The following GHR variants were observed in gnomAD, a reference collection of about 807,000 sequenced individuals.
GHR encodes the protein growth hormone receptor.
A neutral mutation model predicts 67.1 loss-of-function variants in GHR; 35 were observed. The observed-to-expected ratio is 0.52, with a 90% CI of 0.40 to 0.69. The LOEUF (loss-of-function observed/expected upper bound fraction) is 0.69, where lower values mean the gene tolerates loss of function less well. GHR is among the 30% of genes least tolerant of loss of function. The probability of loss-of-function intolerance (pLI) is 0.00; values close to 1 mark genes in which losing one functional copy is unlikely to be tolerated. For synonymous variants in GHR, 272 were observed against 269.1 expected, an observed-to-expected ratio of 1.01 and a Z score of -0.10; for missense variants, 792 against 764.6, an observed-to-expected ratio of 1.04 and a Z score of -0.42.
At chr5:42,666,902 C>T (rs891534774) in intron 3 of GHR, among the ~76,000 whole-genome samples, 1 of 152,150 alleles carries the variant, frequency 6.6e-6, no homozygotes, top group African/African-American at 2.4e-5. Flanking sequence ...AAACTTGCCA[C>T]AGGAGAATGG....
At chr5:42,585,751 G>A (rs66531739) in intron 2 of GHR, among the ~76,000 whole-genome samples, 25,005 of 151,794 alleles carry the variant, frequency 0.16, 2,348 homozygotes, top group Non-Finnish European at 0.19. Flanking sequence ...ATGTACAAAG[G>A]TAATGCTTAT....
rs188730797 is a variant in GHR, at chr5:42,686,999, A to T, written c.137-1891A>T. The stretch of plus-strand genomic sequence containing the variant: ...GCAAAGTCTCAGGATACGAAATCAA[A>T]GTGCAAAAATCACAAGCATTCCTAT... On this transcript the variant is annotated intron_variant, in intron 3 of 9. Transcript: ENST00000230882. Among the ~76,000 whole-genome samples, 317 of 152,290 alleles carry T rather than the reference A, an allele frequency of 2.1e-3. 1 individual carries two copies. The highest frequency in any genetic ancestry group is 7.4e-3 in the African/African-American group (306 of 41,576).
intron 1 of GHR, among the ~76,000 whole-genome samples, chr5:42,496,281 G>A (rs1746317515): frequency 6.6e-6 from 1 of 152,126 alleles, no homozygotes; most frequent in South Asian, 2.1e-4. Context: ...TGCAAATTAA[G>A]GTCAAAAGTA....
chr5:42,697,789 G>T (rs1757750145), intron 5 of GHR, among the ~76,000 whole-genome samples: 1 of 152,170 alleles, frequency 6.6e-6, no homozygotes, highest in African/African-American at 2.4e-5. Flanking sequence ...TAAGTGTTAG[G>T]ATAATCACTG....
chr5:42,440,502 C>A (rs568588358), intron 1 of GHR, among the ~76,000 whole-genome samples: 7 of 152,234 alleles, frequency 4.6e-5, no homozygotes, highest in African/African-American at 1.7e-4. Context: ...CAAGAAGAAG[C>A]CAGAAAAGTA....
intron 1 of GHR, among the ~76,000 whole-genome samples, chr5:42,470,064 G>T (rs1411589659): frequency 4.1e-5 from 6 of 144,932 alleles, no homozygotes; most frequent in Non-Finnish European, 9.0e-5. Context: ...AATAATGTGT[G>T]TATAAATAAT....
chr5:42,664,591 A>G (rs1755850383), intron 3 of GHR, among the ~76,000 whole-genome samples: 1 of 152,326 alleles, frequency 6.6e-6, no homozygotes, highest in Non-Finnish European at 1.5e-5. Flanking sequence ...ACAAAAATTA[A>G]TTCAAGATGG....
chr5:42,708,401 T>C (rs1758286340), intron 6 of GHR, among the ~76,000 whole-genome samples: 2 of 152,162 alleles, frequency 1.3e-5, no homozygotes, highest in Non-Finnish European at 2.9e-5. Context: ...ACAGTATCAC[T>C]CTTCTCACTC....
At chr5:42,625,194 GAGAGATGGGAATGAGTC>G (rs1156963443) in intron 2 of GHR, among the ~76,000 whole-genome samples, 2 of 152,144 alleles carry the variant, frequency 1.3e-5, no homozygotes, top group African/African-American at 4.8e-5. Flanking sequence ...CTGACATTCA[GAGAGATGGGAATGAGTC>G]AGCTCACTGT....
intron 1 of GHR, among the ~76,000 whole-genome samples, chr5:42,545,785 T>C (rs1286426356): frequency 2.6e-5 from 4 of 152,186 alleles, no homozygotes; most frequent in African/African-American, 4.8e-5. Flanking sequence ...GTCCTTCACT[T>C]TCCTACTCTT....
chr5:42,719,526 G>A lies in GHR; in HGVS notation c.*102G>A. 1.8e-6 allele frequency: 2 copies of A among 1,090,592 alleles called. No homozygotes were observed. Among genetic ancestry groups the A allele is most frequent in the Non-Finnish European group, 2.8e-6 (2 of 715,902 alleles). 67.6% of individuals were successfully genotyped at this position (1,090,592 alleles called of 1,614,324 possible). A position where few individuals can be genotyped will look rare whatever the true frequency, so the allele number is the denominator to read the frequency against. On this transcript the variant is annotated 3_prime_UTR_variant, in exon 10 of 10. Transcript: ENST00000230882. ...ATGTTTAAACCTTTTTTGGGGGAGT[G>A]ACAGGATGGGGTATGGATTCTAAAA...
At chr5:42,534,270 GTA>G (rs1748134596) in intron 1 of GHR, among the ~76,000 whole-genome samples, 1 of 138,704 alleles carries the variant, frequency 7.2e-6, no homozygotes, top group African/African-American at 2.9e-5. Flanking sequence ...GTGTATATGT[GTA>G]TATATGTATA....
Position 42,453,731 on chromosome 5 carries a change from G to GA in GHR, c.-12+29779dup, listed in dbSNP as rs1490251518. Among the ~76,000 whole-genome samples the GA allele has an allele frequency of 1.1e-4, 17 of 152,330 alleles. No individual in the cohort carries two copies. In the East Asian group the frequency reaches 3.3e-3, roughly 29 times the overall value. On this transcript the variant is annotated intron_variant, in intron 1 of 9. Transcript: ENST00000230882. ...GCGATACTCACCCTGGAGTGTTCCA[G>GA]AAAGGCTGTCTACAGGTGTATCCAT...
intron 2 of GHR, among the ~76,000 whole-genome samples, chr5:42,575,855 G>A (rs901130612): frequency 6.6e-6 from 1 of 151,324 alleles, no homozygotes; most frequent in Non-Finnish European, 1.5e-5. Flanking sequence ...CCAACATGGT[G>A]AAACCCTATC....
chr5:42,539,145 A>T (rs1336071846), intron 1 of GHR, among the ~76,000 whole-genome samples: 2 of 151,990 alleles, frequency 1.3e-5, no homozygotes, highest in Non-Finnish European at 2.9e-5. Context: ...TGCCTCCCTG[A>T]TTAGCTTAAT....
At chr5:42,513,239 G>A (rs1747097735) in intron 1 of GHR, among the ~76,000 whole-genome samples, 1 of 152,184 alleles carries the variant, frequency 6.6e-6, no homozygotes, top group Non-Finnish European at 1.5e-5. Context: ...TGTAGGAGCA[G>A]TTATTTGGGA....
chr5:42,674,906 C>A (rs1461201614), intron 3 of GHR, among the ~76,000 whole-genome samples: 2 of 152,162 alleles, frequency 1.3e-5, no homozygotes, highest in Non-Finnish European at 2.9e-5. Context: ...CTGTATTTAA[C>A]ATTTTGAGGA....
chr5:42,684,828 G>A (rs1455359885), intron 3 of GHR, among the ~76,000 whole-genome samples: 4 of 152,280 alleles, frequency 2.6e-5, no homozygotes, highest in African/African-American at 9.6e-5. Flanking sequence ...CAGGGCTAAA[G>A]ACATATTTGC....
At chr5:42,530,151 AAATT>A (rs1246811318) in intron 1 of GHR, among the ~76,000 whole-genome samples, 6 of 152,140 alleles carry the variant, frequency 3.9e-5, no homozygotes, top group South Asian at 2.1e-4. Context: ...CACCATGATC[AAATT>A]AATTAACACA....
Sources: gnomAD v4.1 joint callset for allele counts (sites outside exome capture counted in the v4.1 genomes callset) on GRCh38, gnomAD v4.1.1 for gene constraint, MANE v1.5 for transcripts, NCBI Gene and HGNC (gene_info 2026-07-23, HGNC 2026-07-21) for gene names.